Variants in TNR observed in about 807,000 individuals in gnomAD.
TNR encodes the protein tenascin-R.
Under a neutral mutation model 150.4 loss-of-function variants are expected in TNR, and 45 were observed. The ratio of observed to expected loss-of-function variants is 0.30; its 90% CI spans 0.24 to 0.38. TNR has a LOEUF of 0.38. TNR is among the 10% of genes least tolerant of loss of function. The pLI is 1.00. For synonymous variants in TNR, 687 were observed against 678.4 expected, an observed-to-expected ratio of 1.01 and a Z score of -0.20; for missense variants, 1,544 against 1,759.1, an observed-to-expected ratio of 0.88 and a Z score of 2.19.
At chr1:175,417,071 G>GAAATAAATAAAT (rs1236322486) in intron 2 of TNR, among the ~76,000 whole-genome samples, 32 of 119,820 alleles carry the variant, frequency 2.7e-4, no homozygotes, top group East Asian at 1.4e-3. Flanking sequence ...AAGAAAGAAA[G>GAAATAAATAAAT]AAAGAAATCT....
At chr1:175,612,730 T>C (rs1246717316) in intron 1 of TNR, among the ~76,000 whole-genome samples, 1 of 152,196 alleles carries the variant, frequency 6.6e-6, no homozygotes, top group Non-Finnish European at 1.5e-5. Context: ...ACTTATGAGA[T>C]GAGAAAAAGG....
At chr1:175,731,170 T>C (rs1358405064) in intron 1 of TNR, among the ~76,000 whole-genome samples, 1 of 152,150 alleles carries the variant, frequency 6.6e-6, no homozygotes, top group African/African-American at 2.4e-5. Context: ...CTTCTGGCCA[T>C]TGGAACAGTG....
chr1:175,543,803 T>A (rs533348406), intron 1 of TNR, among the ~76,000 whole-genome samples: 1 of 152,144 alleles, frequency 6.6e-6, no homozygotes, highest in South Asian at 2.1e-4. Flanking sequence ...GTAAGTTTTA[T>A]GAAAGATGCC....
intron 2 of TNR, among the ~76,000 whole-genome samples, chr1:175,519,160 G>A (rs1659531648): frequency 6.6e-6 from 1 of 152,082 alleles, no homozygotes; most frequent in African/African-American, 2.4e-5. Context: ...TCATCTTAAA[G>A]ACACAAACAC....
intron 2 of TNR, among the ~76,000 whole-genome samples, chr1:175,458,838 C>T (rs115099743): frequency 1.2e-4 from 18 of 152,262 alleles, no homozygotes; most frequent in South Asian, 2.1e-4. Flanking sequence ...ACACAGACCA[C>T]GGCCATTATC....
intron 1 of TNR, among the ~76,000 whole-genome samples, chr1:175,615,823 G>C (rs1357215917): frequency 1.3e-5 from 2 of 152,128 alleles, no homozygotes; most frequent in Non-Finnish European, 2.9e-5. Context: ...TTTCAGTTAG[G>C]CTTCTAAAAC....
chr1:175,576,635 C>T (rs905345848), intron 1 of TNR, among the ~76,000 whole-genome samples: 5 of 151,802 alleles, frequency 3.3e-5, no homozygotes, highest in African/African-American at 1.2e-4. Flanking sequence ...CATCCCACCA[C>T]ACCATCCCAA....
At chr1:175,645,148 A>C (rs1664773204) in intron 1 of TNR, among the ~76,000 whole-genome samples, 1 of 152,202 alleles carries the variant, frequency 6.6e-6, no homozygotes, top group South Asian at 2.1e-4. Context: ...AACAATAATA[A>C]AATGACACAT....
At chr1:175,726,313 GC>G (rs1667476648) in intron 1 of TNR, among the ~76,000 whole-genome samples, 1 of 152,222 alleles carries the variant, frequency 6.6e-6, no homozygotes, top group East Asian at 1.9e-4. Context: ...GAAATGATGA[GC>G]AGCAATATAT....
intron 2 of TNR, among the ~76,000 whole-genome samples, chr1:175,430,258 A>C (rs1417011153): frequency 6.6e-5 from 10 of 152,168 alleles, no homozygotes; most frequent in African/African-American, 2.4e-4. Context: ...GAGGAAGTTA[A>C]ATAATGGCCA....
At chr1:175,406,076 TGACCG>T (rs1429688868) in intron 3 of TNR, 135 bp downstream of exon 3, 4 of 1,157,256 alleles carry the variant, frequency 3.5e-6, no homozygotes, top group Admixed American at 2.7e-5. Context: ...TTTTTTCCTT[TGACCG>T]TGTGAAGAGA....
chr1:175,618,008 G>C lies in TNR; in HGVS notation c.-164-89639C>G, dbSNP rs574780340. ...AACTTGACTTCCTGCATCACTCCTA[G>C]GTAGAAGTACCTACTTTTCCCCTAA... is the stretch of plus-strand genomic sequence containing the variant. On this transcript the variant is annotated intron_variant, in intron 1 of 22. Coordinates refer to ENST00000367674, the MANE Select transcript of TNR (RefSeq NM_003285.3). Among the ~76,000 whole-genome samples, 3 of 152,280 alleles carry C rather than the reference G, an allele frequency of 2.0e-5. No individual in the cohort carries two copies. In the South Asian group the frequency reaches 6.2e-4, roughly 32 times the overall value.
rs1461576917 is a variant in TNR at position 175,354,542 on chromosome 1, G to T, written c.3250-19C>A. The T allele has an allele frequency of 1.2e-6, 2 of 1,613,714 alleles. No homozygotes were observed. Among genetic ancestry groups the T allele is most frequent in the African/African-American group, 2.7e-5 (2 of 74,932 alleles). ...TCAGCTCCTGTATAATGAGCCAAAG[G>T]AAGGGTGGTGGAAGGGAGCAACTGG... On this transcript the variant is annotated intron_variant, in intron 17 of 22. Coordinates refer to ENST00000367674, the MANE Select transcript of TNR (RefSeq NM_003285.3).
intron 9 of TNR, among the ~76,000 whole-genome samples, chr1:175,371,612 T>C (rs1652108192): frequency 6.6e-6 from 1 of 152,196 alleles, no homozygotes. Context: ...TGAAGACTTT[T>C]TGAGTGTCTG....
rs1651708618 is a variant in TNR at position 175,363,790 on chromosome 1, C to T, written c.2625G>A (p.Val875=). 6.2e-7 allele frequency: 1 copy of T among 1,613,584 alleles called. No homozygotes were observed. Residue 875 remains valine (V), a synonymous_variant, in exon 13 of 23, where the codon GTG becomes GTA. Coordinates refer to ENST00000367674, the MANE Select transcript of TNR (RefSeq NM_003285.3). ...DPPKDITISN[V]TKDSVMVSWS... is the part of the protein sequence containing the mutation. The stretch of plus-strand genomic sequence containing the variant: ...AGGAGACCATCACTGAGTCCTTGGT[C>T]ACATTGCTAATTGTGATGTCTTTTG...
chr1:175,362,759 T>C lies in TNR; in HGVS notation c.2758A>G (p.Ile920Val), dbSNP rs748291080. Reference protein sequence around the residue: ...VVPNTVTEFTITRLNPATEYE... With the variant: ...VVPNTVTEFTVTRLNPATEYE... The stretch of plus-strand genomic sequence containing the variant: ...TCGGTAGCTGGGTTCAGTCTGGTGA[T>C]GGTGAATTCTGTCACAGTGTTGGGC... The change falls in exon 14 of 23, where the codon ATC becomes GTC. Residue 920 changes from isoleucine to valine, a missense_variant. Ile to Val is a conservative substitution (Grantham distance 29). Around this residue, in one of 2 missense-constraint regions of TNR, gnomAD observed 1,254 missense variants for 1,329.4 expected, o/e 0.94. Transcript: ENST00000367674. 3 of 1,614,040 alleles carry C rather than the reference T, an allele frequency of 1.9e-6. No individual in the cohort carries two copies. The highest frequency in any genetic ancestry group is 2.2e-5 in the South Asian group (2 of 91,082).
chr1:175,537,506 C>T (rs1389923823), intron 1 of TNR, among the ~76,000 whole-genome samples: 1 of 152,164 alleles, frequency 6.6e-6, no homozygotes, highest in African/African-American at 2.4e-5. Context: ...GTAGCCAGTT[C>T]CCACCAAAGG....
At chr1:175,737,925 C>T (rs369998092) in intron 1 of TNR, among the ~76,000 whole-genome samples, 6 of 152,306 alleles carry the variant, frequency 3.9e-5, no homozygotes, top group Admixed American at 2.6e-4. Context: ...CAGAGACGTG[C>T]TCCCCAAGGG....
intron 1 of TNR, among the ~76,000 whole-genome samples, chr1:175,533,088 G>A (rs1346828964): frequency 6.6e-6 from 1 of 152,090 alleles, no homozygotes; most frequent in African/African-American, 2.4e-5. Flanking sequence ...TGTCAATAAT[G>A]GTAAAGACAA....
Sources: gnomAD v4.1 joint callset for allele counts (sites outside exome capture counted in the v4.1 genomes callset) on GRCh38, gnomAD v4.1.1 for gene constraint, gnomAD v4.1.1 regional missense constraint, MANE v1.5 for transcripts, NCBI Gene and HGNC (gene_info 2026-07-23, HGNC 2026-07-21) for gene names.